RREB1: variants seen among roughly 807,000 people sequenced by gnomAD.
RREB1 encodes the protein ras-responsive element-binding protein 1.
Under a neutral mutation model 117.8 loss-of-function variants are expected in RREB1, and 27 were observed. The observed-to-expected ratio is 0.23, with a 90% CI of 0.17 to 0.32. The LOEUF is 0.32. Ranked by LOEUF, RREB1 falls within the 10% of genes least tolerant of loss-of-function variation. The probability of loss-of-function intolerance (pLI) is 1.00; values close to 1 mark genes in which losing one functional copy is unlikely to be tolerated. For missense variants in RREB1, 2,577 were observed against 2,378.2 expected (o/e 1.08, Z -1.74); for synonymous variants, 1,298 against 1,026.7 (o/e 1.26, Z -5.05).
rs375165183 is a variant in RREB1, at chr6:7,230,322, G to T, written c.2223G>T (p.Ala741=). 6.9e-6 allele frequency: 11 copies of T among 1,588,558 alleles called. No homozygotes were observed. Among genetic ancestry groups the T allele is most frequent in the Non-Finnish European group, 8.5e-6 (10 of 1,172,586 alleles). ...EKNIEYVSSS[A]AELVDAFCAP... is the part of the protein sequence containing the mutation. ...ACATCGAGTATGTGAGTAGCAGCGC[G>T]GCCGAGCTGGTGGACGCCTTCTGCG... is the stretch of plus-strand genomic sequence containing the variant. Residue 741 remains alanine (A), a synonymous_variant, in exon 10 of 13, where the codon GCG becomes GCT. Coordinates refer to ENST00000379938, the MANE Select transcript of RREB1 (RefSeq NM_001003699.4).
At chr6:7,113,300 A>G (rs1761239238) in intron 1 of RREB1, among the ~76,000 whole-genome samples, 1 of 152,126 alleles carries the variant, frequency 6.6e-6, no homozygotes, top group African/African-American at 2.4e-5. Flanking sequence ...TAAAGCTTTT[A>G]AATGCTCTAT....
rs1358407442 is a variant in RREB1 at position 7,246,530 on chromosome 6, C to T, written c.4080C>T (p.Val1360=). The change falls in exon 12 of 13, where the codon GTC becomes GTT. Residue 1360 remains valine, a synonymous_variant. Coordinates refer to ENST00000379938, the MANE Select transcript of RREB1 (RefSeq NM_001003699.4). ...AGGGCGCCACTGAGCTCCGCCAGGTCGCAGGGGATGCGCCTGTGGAGCAGG... is the reference window on the plus strand; with the variant it reads ...AGGGCGCCACTGAGCTCCGCCAGGTTGCAGGGGATGCGCCTGTGGAGCAGG... ...PSEGATELRQ[V]AGDAPVEQAT... is the part of the protein sequence containing the mutation. The T allele has an allele frequency of 6.5e-7, 1 of 1,547,098 alleles. No individual in the cohort carries two copies. The highest frequency in any genetic ancestry group is 1.4e-5 in the African/African-American group (1 of 73,188).
chr6:7,228,723 G>A (rs1767733217), intron 9 of RREB1, among the ~76,000 whole-genome samples: 1 of 151,752 alleles, frequency 6.6e-6, no homozygotes, highest in South Asian at 2.1e-4. Flanking sequence ...GCCCAGGCTA[G>A]TCACAAACTC....
chr6:7,111,695 C>A (rs1177916789), intron 1 of RREB1, among the ~76,000 whole-genome samples: 1 of 152,110 alleles, frequency 6.6e-6, no homozygotes, highest in East Asian at 1.9e-4. Context: ...TAAATAATCT[C>A]TTTCTTTTGT....
intron 8 of RREB1, among the ~76,000 whole-genome samples, chr6:7,224,404 A>G (rs775673645): frequency 6.6e-6 from 1 of 152,186 alleles, no homozygotes. Flanking sequence ...GATTTTCCCA[A>G]TTCAGACATA....
rs77032238 is a variant in RREB1 at position 7,196,606 on chromosome 6, G to C, written c.425+7284G>C. ...TTTTTTCTAGTAAATAAATTTACTT[G>C]ATCTTTTAAAAGTAATTATATTTTG... is the stretch of plus-strand genomic sequence containing the variant. On this transcript the variant is annotated intron_variant, in intron 6 of 12. Transcript: ENST00000379938. 1.3e-3 allele frequency among the ~76,000 whole-genome samples: 205 copies of C among 152,210 alleles called. No homozygotes were observed. In the East Asian group the frequency reaches 0.033, roughly 24 times the overall value.
chr6:7,237,525 G>C (rs1381294931), intron 10 of RREB1, among the ~76,000 whole-genome samples: 2 of 152,166 alleles, frequency 1.3e-5, no homozygotes, highest in Admixed American at 6.5e-5. Context: ...ACTCTGCCCA[G>C]CTGGCTGATG....
At chr6:7,173,953 C>T (rs1354010523) in intron 1 of RREB1, among the ~76,000 whole-genome samples, 2 of 152,144 alleles carry the variant, frequency 1.3e-5, no homozygotes, top group Non-Finnish European at 2.9e-5. Flanking sequence ...GTATCTCCCC[C>T]GGGGCTTGGG....
intron 4 of RREB1, among the ~76,000 whole-genome samples, chr6:7,186,180 A>G (rs1223528820): frequency 1.3e-5 from 2 of 152,224 alleles, no homozygotes; most frequent in African/African-American, 4.8e-5. Context: ...CCGTTGGGTT[A>G]ACACTGACAT....
chr6:7,236,087 G>A (rs531936926), intron 10 of RREB1, among the ~76,000 whole-genome samples: 5 of 151,856 alleles, frequency 3.3e-5, no homozygotes, highest in South Asian at 2.1e-4. Flanking sequence ...CTACCTAAAC[G>A]CGCCACTCCA....
intron 1 of RREB1, among the ~76,000 whole-genome samples, chr6:7,169,525 C>T (rs986762212): frequency 6.6e-6 from 1 of 152,236 alleles, no homozygotes; most frequent in African/African-American, 2.4e-5. Context: ...CTCAACTCTT[C>T]CCACAGCTGA....
chr6:7,181,124 T>C lies in RREB1; in HGVS notation c.-165T>C. 1 of 398,520 alleles carries C rather than the reference T, an allele frequency of 2.5e-6. No individual in the cohort carries two copies. The highest frequency in any genetic ancestry group is 4.4e-6 in the Non-Finnish European group (1 of 226,002). The allele number at this position is 398,520 out of a possible 1,614,324, so 24.7% of individuals were successfully genotyped here. On this transcript the variant is annotated splice_region_variant and 5_prime_UTR_variant, in exon 3 of 13. Coordinates refer to ENST00000379938, the MANE Select transcript of RREB1 (RefSeq NM_001003699.4). Reference sequence around the variant, plus strand: ...CTTTGGGCCTTTGCTTCCCTTCCAGTGTCAACGAGTACTACCAAGAGAAGA... The same window carrying C: ...CTTTGGGCCTTTGCTTCCCTTCCAGCGTCAACGAGTACTACCAAGAGAAGA...
rs1761509196 is a variant in RREB1, at chr6:7,118,414, C to T, written c.-285+10354C>T. Reference sequence around the variant, plus strand: ...GGGATTACAGGTGTGAGCCACCGCTCCCGCCCAGAAAATAGGTTATTTTAA... The same window carrying T: ...GGGATTACAGGTGTGAGCCACCGCTTCCGCCCAGAAAATAGGTTATTTTAA... On this transcript the variant is annotated intron_variant, in intron 1 of 12. Transcript: ENST00000379938. Among the ~76,000 whole-genome samples the T allele has an allele frequency of 2.0e-5, 3 of 152,164 alleles. No homozygotes were observed. In the South Asian group the frequency reaches 6.2e-4, roughly 31 times the overall value.
intron 1 of RREB1, among the ~76,000 whole-genome samples, chr6:7,126,612 A>G (rs1024075576): frequency 6.6e-6 from 1 of 152,210 alleles, no homozygotes; most frequent in Non-Finnish European, 1.5e-5. Flanking sequence ...CTTGTGTGCT[A>G]CCAGCTCAGT....
Position 7,247,028 on chromosome 6 carries a change from G to A in RREB1, c.4578G>A (p.Thr1526=), listed in dbSNP as rs148742062. Residue 1526 remains threonine (T), a synonymous_variant, in exon 12 of 13, where the codon ACG becomes ACA. Transcript: ENST00000379938. Reference sequence around the variant, plus strand: ...CGGCGGAAAAGCTCGCGGAGGAGACGGAGGGCCCCTCCGACGGGGAGAGCG... The same window carrying A: ...CGGCGGAAAAGCTCGCGGAGGAGACAGAGGGCCCCTCCGACGGGGAGAGCG... ...EAPAEKLAEE[T]EGPSDGESAA... 8.7e-6 allele frequency: 14 copies of A among 1,611,358 alleles called. No individual in the cohort carries two copies. The highest frequency in any genetic ancestry group is 2.2e-5 in the East Asian group (1 of 44,766).
chr6:7,231,465 C>G lies in RREB1; in HGVS notation c.3366C>G (p.Ser1122Arg), dbSNP rs369793962. 3.7e-6 allele frequency: 6 copies of G among 1,613,016 alleles called. No homozygotes were observed. The highest frequency in any genetic ancestry group is 5.1e-6 in the Non-Finnish European group (6 of 1,179,748). ...CCGCCACCCCCGCTGCCACCACCAG[C>G]CCAAAAGAGTCTAGTGAGCCTCCCG... The part of the protein sequence containing the change: ...ATTATPAATT[S>R]PKESSEPPAP... Residue 1122 changes from serine to arginine, a missense_variant, in exon 10 of 13, where the codon AGC becomes AGG. By Grantham distance (110) the Ser-to-Arg change is moderately radical (BLOSUM62 -1). Transcript: ENST00000379938.
intron 1 of RREB1, among the ~76,000 whole-genome samples, chr6:7,163,632 G>A (rs919886628): frequency 6.6e-6 from 1 of 152,128 alleles, no homozygotes; most frequent in Non-Finnish European, 1.5e-5. Flanking sequence ...CTGACCTCAT[G>A]ATCTGCCCGC....
Position 7,229,343 on chromosome 6 carries a change from T to A in RREB1, c.1244T>A (p.Phe415Tyr). Residue 415 changes from phenylalanine to tyrosine, a missense_variant, in exon 10 of 13, where the codon TTC becomes TAC. Physicochemically the swap from Phe to Tyr is conservative, Grantham distance 22 (BLOSUM62 3). Transcript: ENST00000379938. This position sits in a 1 kb window ranked among gnomAD's most constrained non-coding sequence, Gnocchi z 4.5. ...ACCAACCTGCTGAGCCTGTCACCTT[T>A]CGAAGCTGCTTCCCTAGGCGGTTCT... ...GCTNLLSLSP[F>Y]EAASLGGSLT... The A allele has an allele frequency of 6.2e-7, 1 of 1,614,178 alleles. No individual in the cohort carries two copies. The highest frequency in any genetic ancestry group is 8.5e-7 in the Non-Finnish European group (1 of 1,180,024).
At chr6:7,117,765 C>T (rs372250265) in intron 1 of RREB1, among the ~76,000 whole-genome samples, 2 of 151,996 alleles carry the variant, frequency 1.3e-5, no homozygotes, top group East Asian at 1.9e-4. Flanking sequence ...GACAGGGTCT[C>T]TCTATGTTGC....
Sources: allele counts gnomAD v4.1 joint callset (sites outside exome capture counted in the v4.1 genomes callset), GRCh38; gene constraint gnomAD v4.1.1; non-coding constraint Gnocchi (gnomAD v3.1); transcripts MANE v1.5; gene names NCBI Gene and HGNC (gene_info 2026-07-23, HGNC 2026-07-21).